TMEM132C: variants seen among roughly 807,000 people sequenced by gnomAD.
TMEM132C encodes protein phosphatase 1, regulatory subunit 152.
TMEM132C carries 29 observed loss-of-function variants against 61.4 expected under a neutral mutation model. The observed-to-expected ratio is 0.47, with a 90% CI of 0.35 to 0.64. TMEM132C has a LOEUF of 0.64. TMEM132C is among the 30% of genes least tolerant of loss of function. The pLI is 0.00. For synonymous variants in TMEM132C, 656 were observed against 633.1 expected, an observed-to-expected ratio of 1.04 and a Z score of -0.54; for missense variants, 1,408 against 1,476.9, an observed-to-expected ratio of 0.95 and a Z score of 0.76.
intron 3 of TMEM132C, among the ~76,000 whole-genome samples, chr12:128,545,880 A>G (rs890684074): frequency 3.9e-5 from 6 of 152,144 alleles, no homozygotes; most frequent in Non-Finnish European, 8.8e-5. Context: ...AGGCTCTTGT[A>G]TTCTGCCAGT....
intron 1 of TMEM132C, among the ~76,000 whole-genome samples, chr12:128,313,562 C>T (rs897812132): frequency 1.3e-5 from 2 of 152,206 alleles, no homozygotes; most frequent in Non-Finnish European, 2.9e-5. Flanking sequence ...GGATTAAGGA[C>T]TTGCTGGCCC....
In TMEM132C at chr12:128,276,894, G is replaced by GCACACACACACACACACACACACA. The variant is rs71069547; in HGVS notation, c.85+9429_85+9430insCACACACACACACACACACACACA. Reference sequence around the variant, plus strand: ...CATGTGTGCATGCATGTGCGTGCATGCACACACACACACACACACACAATT... The same window carrying GCACACACACACACACACACACACA: ...CATGTGTGCATGCATGTGCGTGCATGCACACACACACACACACACACACACACACACACACACACACACACAATT... On this transcript the variant is annotated intron_variant, in intron 1 of 8. Coordinates refer to ENST00000435159, the MANE Select transcript of TMEM132C (RefSeq NM_001136103.3). Among the ~76,000 whole-genome samples the GCACACACACACACACACACACACA allele has an allele frequency of 7.4e-4, 111 of 150,036 alleles. 1 individual carries two copies. In the East Asian group the frequency reaches 0.02, roughly 26 times the overall value.
chr12:128,637,634 G>A (rs1421291961), intron 4 of TMEM132C, among the ~76,000 whole-genome samples: 1 of 152,124 alleles, frequency 6.6e-6, no homozygotes, highest in Non-Finnish European at 1.5e-5. Context: ...GAACTCGTGG[G>A]CTCCAGGAAT....
At position 128,340,903 on chromosome 12, in the gene TMEM132C, T is replaced by C. The variant is rs193203779; in HGVS notation, c.85+73416T>C. On this transcript the variant is annotated intron_variant, in intron 1 of 8. Transcript: ENST00000435159. The stretch of plus-strand genomic sequence containing the variant: ...TTTTTTCTTTTTCTTTCTTTCTCTC[T>C]TTCTCTCTCTCTTTCTCTCTCTCTC... Among the ~76,000 whole-genome samples, 584 of 132,024 alleles carry C rather than the reference T, an allele frequency of 4.4e-3. 1 individual carries two copies. The highest frequency in any genetic ancestry group is 7.6e-3 in the Non-Finnish European group (479 of 63,388). The allele number at this position is 132,024 out of a possible 152,430, so 86.6% of individuals were successfully genotyped here.
chr12:128,679,687 T>C (rs3850015), intron 5 of TMEM132C, among the ~76,000 whole-genome samples: 95,345 of 152,094 alleles, frequency 0.63, 30,815 homozygotes, highest in African/African-American at 0.8. Flanking sequence ...CGGATATTTA[T>C]TGAGCACGTA....
At chr12:128,523,085 A>G (rs1872961589) in intron 2 of TMEM132C, among the ~76,000 whole-genome samples, 1 of 152,208 alleles carries the variant, frequency 6.6e-6, no homozygotes, top group Admixed American at 6.5e-5. Flanking sequence ...ATAAAAAGGA[A>G]GGAAATTCTG....
At chr12:128,626,189 C>T (rs148572787) in intron 4 of TMEM132C, among the ~76,000 whole-genome samples, 387 of 145,308 alleles carry the variant, frequency 2.7e-3, no homozygotes, top group Middle Eastern at 0.016. Flanking sequence ...TGCAGTGGTG[C>T]GATCTCGGTT....
At chr12:128,507,514 C>T (rs1255287193) in intron 2 of TMEM132C, among the ~76,000 whole-genome samples, 1 of 147,828 alleles carries the variant, frequency 6.8e-6, no homozygotes, top group African/African-American at 2.5e-5. Context: ...TGCTTCATTT[C>T]CTTGCATTGC....
intron 1 of TMEM132C, among the ~76,000 whole-genome samples, chr12:128,355,330 G>T (rs1461448687): frequency 2.0e-5 from 3 of 152,084 alleles, no homozygotes; most frequent in Non-Finnish European, 4.4e-5. Flanking sequence ...CCTGAGGAGG[G>T]TCCCTCTGGG....
intron 1 of TMEM132C, among the ~76,000 whole-genome samples, chr12:128,307,795 A>G (rs984339602): frequency 7.2e-5 from 11 of 152,150 alleles, no homozygotes; most frequent in Non-Finnish European, 1.5e-4. Flanking sequence ...CCCTCAGTTT[A>G]TGAGTCCTGC....
intron 8 of TMEM132C, among the ~76,000 whole-genome samples, chr12:128,704,779 T>C (rs765148757): frequency 2.0e-5 from 3 of 152,208 alleles, no homozygotes; most frequent in Non-Finnish European, 2.9e-5. Context: ...GGCTGACTGA[T>C]TCAAGCAATA....
chr12:128,623,908 AG>A, intron 4 of TMEM132C, among the ~76,000 whole-genome samples: 1 of 152,310 alleles, frequency 6.6e-6, no homozygotes, highest in Non-Finnish European at 1.5e-5. Context: ...AAGTGAAAAG[AG>A]TGGTGCTAGA....
chr12:128,337,647 G>T (rs987447465), intron 1 of TMEM132C, among the ~76,000 whole-genome samples: 4 of 152,182 alleles, frequency 2.6e-5, no homozygotes, highest in Admixed American at 2.0e-4. Context: ...ACCCGGGGAG[G>T]TCTCAGGTCT....
chr12:128,704,460 C>T (rs769145541), intron 8 of TMEM132C, among the ~76,000 whole-genome samples: 15 of 152,174 alleles, frequency 9.9e-5, no homozygotes, highest in Non-Finnish European at 2.2e-4. Flanking sequence ...ACATCACTGC[C>T]GCCCAACTAC....
chr12:128,386,663 C>T (rs553898123), intron 1 of TMEM132C, among the ~76,000 whole-genome samples: 1 of 152,346 alleles, frequency 6.6e-6, no homozygotes, highest in East Asian at 1.9e-4. Flanking sequence ...TAAGTCCTCC[C>T]ATCTTCTTGA....
chr12:128,655,135 G>T (rs1954311609), intron 4 of TMEM132C, among the ~76,000 whole-genome samples: 1 of 152,186 alleles, frequency 6.6e-6, no homozygotes, highest in Admixed American at 6.5e-5. Context: ...GGAAGTGGGA[G>T]CCGGGAGGCA....
In TMEM132C at chr12:128,706,220, G is replaced by C; in HGVS notation, c.3252G>C (p.Trp1084Cys). 6.4e-7 allele frequency: 1 copy of C among 1,551,768 alleles called. No homozygotes were observed. The highest frequency in any genetic ancestry group is 1.2e-5 in the South Asian group (1 of 84,066). The change falls in exon 9 of 9, where the codon TGG (tryptophan) becomes TGC (cysteine). Residue 1084 changes from tryptophan (W) to cysteine (C), a missense_variant. Transcript: ENST00000435159. Reference protein sequence around the residue: ...IVSSNDEDIKWVCQDVAVGAP... With the variant: ...IVSSNDEDIKCVCQDVAVGAP... ...GCAGCAATGATGAGGACATCAAATG[G>C]GTGTGTCAAGACGTGGCTGTGGGTG...
chr12:128,521,536 T>C (rs1872907512), intron 2 of TMEM132C, among the ~76,000 whole-genome samples: 1 of 149,152 alleles, frequency 6.7e-6, no homozygotes, highest in Admixed American at 6.9e-5. Context: ...TTACAGTAGA[T>C]TACTATACCC....
At chr12:128,311,716 C>T (rs770467516) in intron 1 of TMEM132C, among the ~76,000 whole-genome samples, 1 of 152,218 alleles carries the variant, frequency 6.6e-6, no homozygotes, top group African/African-American at 2.4e-5. Flanking sequence ...CCGCAAATGG[C>T]GACTCACTTC....
Sources: gnomAD v4.1 joint callset for allele counts (sites outside exome capture counted in the v4.1 genomes callset) on GRCh38, gnomAD v4.1.1 for gene constraint, MANE v1.5 for transcripts, NCBI Gene and HGNC (gene_info 2026-07-23, HGNC 2026-07-21) for gene names.